Variants in LRCH1 observed in about 807,000 individuals in gnomAD.
LRCH1 encodes leucine rich repeats and calponin homology domain containing 1.
LRCH1 carries 23 observed loss-of-function variants against 94.9 expected under a neutral mutation model. The ratio of observed to expected loss-of-function variants is 0.24; its 90% CI spans 0.17 to 0.34. LRCH1 has a LOEUF of 0.34. Among genes scored for constraint, LRCH1 ranks in the 10% least tolerant of loss-of-function variants. LRCH1 has a pLI of 1.00. For missense variants in LRCH1, 790 were observed against 945.9 expected (o/e 0.84, Z 2.16); for synonymous variants, 364 against 354.9 (o/e 1.03, Z -0.29).
At chr13:46,560,063 A>G (rs1247115187) in intron 1 of LRCH1, among the ~76,000 whole-genome samples, 5 of 148,260 alleles carry the variant, frequency 3.4e-5, no homozygotes, top group Admixed American at 6.9e-5. Context: ...GACTTTTTCT[A>G]TTATATCATT....
At chr13:46,723,414 C>CA (rs1872678064) in intron 17 of LRCH1, 84 bp downstream of exon 17, 1 of 1,046,886 alleles carries the variant, frequency 9.6e-7, no homozygotes, top group Non-Finnish European at 1.4e-6. Flanking sequence ...ACATTGCAAG[C>CA]AGTCCTAATT....
chr13:46,692,695 G>T, intron 8 of LRCH1, 54 bp downstream of exon 8: 1 of 1,351,456 alleles, frequency 7.4e-7, no homozygotes, highest in Admixed American at 1.7e-5. Flanking sequence ...CAAATGTTAT[G>T]TTTAAAATAA....
At chr13:46,715,430 C>A (rs1872271203) in intron 15 of LRCH1, 130 bp from the exon 16 acceptor site, 4 of 627,208 alleles carry the variant, frequency 6.4e-6, no homozygotes, top group Admixed American at 2.5e-5. Flanking sequence ...TGAAATTAAA[C>A]CCCATATAAA....
intron 1 of LRCH1, among the ~76,000 whole-genome samples, chr13:46,615,528 C>T (rs2050797708): frequency 6.6e-6 from 1 of 152,154 alleles, no homozygotes; most frequent in Admixed American, 6.5e-5. Flanking sequence ...ACCTCCAAAC[C>T]TCATCACATG....
At chr13:46,582,378 T>TC (rs887000568) in intron 1 of LRCH1, among the ~76,000 whole-genome samples, 2 of 143,740 alleles carry the variant, frequency 1.4e-5, no homozygotes, top group African/African-American at 5.1e-5. Flanking sequence ...ATCTTTTTTT[T>TC]TTTTTTTTTT....
intron 1 of LRCH1, among the ~76,000 whole-genome samples, chr13:46,572,752 C>T (rs750792815): frequency 8.6e-5 from 13 of 151,878 alleles, no homozygotes; most frequent in Admixed American, 5.9e-4. Context: ...AGCCACATTT[C>T]GTAAACTTAA....
At chr13:46,671,450 T>C (rs777009432) in intron 3 of LRCH1, among the ~76,000 whole-genome samples, 44 of 152,200 alleles carry the variant, frequency 2.9e-4, no homozygotes, top group Non-Finnish European at 5.4e-4. Context: ...TACTGTTGAA[T>C]GGTGGAAGGT....
chr13:46,657,543 G>T (rs2051390531), intron 2 of LRCH1, among the ~76,000 whole-genome samples: 1 of 21,644 alleles, frequency 4.6e-5, no homozygotes, highest in Non-Finnish European at 9.8e-5. Context: ...TTTTTTTTTT[G>T]AGGCAGGGTC....
Position 46,553,242 on chromosome 13 carries a change from CATT to C in LRCH1, c.-154_-152del. 7.0e-6 allele frequency: 4 copies of C among 568,630 alleles called. No homozygotes were observed. The highest frequency in any genetic ancestry group is 1.2e-5 in the Non-Finnish European group (4 of 324,430). 35.2% of individuals were successfully genotyped at this position (568,630 alleles called of 1,614,324 possible). A position where few individuals can be genotyped will look rare whatever the true frequency, so the allele number is the denominator to read the frequency against. On this transcript the variant is annotated 5_prime_UTR_variant, in exon 1 of 20. Coordinates refer to ENST00000389797, the MANE Select transcript of LRCH1 (RefSeq NM_001164211.2). The stretch of plus-strand genomic sequence containing the variant: ...CACGGCCGCCTCCCCGCCCGCCCCC[CATT>C]CTACGCGCCTGCCCACACCCTCCTC...
In LRCH1 at chr13:46,742,205, CAAGGA is replaced by C; in HGVS notation, c.*358_*362del. The C allele has an allele frequency of 7.1e-6, 8 of 1,127,104 alleles. No homozygotes were observed. Among genetic ancestry groups the C allele is most frequent in the Non-Finnish European group, 8.7e-6 (8 of 916,802 alleles). 69.8% of individuals were successfully genotyped at this position (1,127,104 alleles called of 1,614,324 possible). A position where few individuals can be genotyped will look rare whatever the true frequency, so the allele number is the denominator to read the frequency against. ...GAGGAGAATTCCAGGACAAGAGTGT[CAAGGA>C]CAGGGATTTAGCATATGGAAGTCTT... On this transcript the variant is annotated 3_prime_UTR_variant, in exon 20 of 20. Coordinates refer to ENST00000389797, the MANE Select transcript of LRCH1 (RefSeq NM_001164211.2).
chr13:46,624,220 G>T (rs1394688549), intron 1 of LRCH1, among the ~76,000 whole-genome samples: 2 of 152,124 alleles, frequency 1.3e-5, no homozygotes, highest in Non-Finnish European at 2.9e-5. Flanking sequence ...CTGCAAGATT[G>T]AATTTATATT....
chr13:46,662,700 G>A (rs1482541146), intron 2 of LRCH1, among the ~76,000 whole-genome samples: 2 of 152,120 alleles, frequency 1.3e-5, no homozygotes, highest in Admixed American at 6.5e-5. Flanking sequence ...TGACCGTTGG[G>A]GGGAATATAT....
intron 16 of LRCH1, among the ~76,000 whole-genome samples, chr13:46,721,169 A>G (rs1029611334): frequency 6.6e-6 from 1 of 152,212 alleles, no homozygotes; most frequent in African/African-American, 2.4e-5. Context: ...GTGTTGAACA[A>G]AAGCTCATGG....
At chr13:46,746,367 T>C (rs1873909322), downstream of LRCH1, among the ~76,000 whole-genome samples, 1 of 152,184 alleles carries the variant, frequency 6.6e-6, no homozygotes. Flanking sequence ...TCTTTTCCAA[T>C]GTCGTTTGCT....
At chr13:46,638,550 G>C (rs1180507424) in intron 1 of LRCH1, among the ~76,000 whole-genome samples, 1 of 152,192 alleles carries the variant, frequency 6.6e-6, no homozygotes, top group East Asian at 1.9e-4. Flanking sequence ...GAAAACCTGA[G>C]TAGTGGTTAT....
At chr13:46,626,364 C>T (rs542222896) in intron 1 of LRCH1, among the ~76,000 whole-genome samples, 1 of 152,092 alleles carries the variant, frequency 6.6e-6, no homozygotes, top group South Asian at 2.1e-4. Flanking sequence ...ACTGAAGATC[C>T]ACAAGAGAAG....
Position 46,711,671 on chromosome 13 carries a change from A to G in LRCH1, c.1528-120A>G, listed in dbSNP as rs1422214501. 4.1e-5 allele frequency: 26 copies of G among 637,518 alleles called. No individual in the cohort carries two copies. The East Asian group carries it at 7.1e-4, about 17-fold the overall frequency. The allele number at this position is 637,518 out of a possible 1,614,324, so 39.5% of individuals were successfully genotyped here. ...CTGAACACACTAACTAATTAATTCA[A>G]CAGATATTCATTGTGCACCTATGGA... On this transcript the variant is annotated intron_variant, in intron 13 of 19. Transcript: ENST00000389797.
chr13:46,669,190 T>G (rs1199119087), intron 3 of LRCH1, 34 bp downstream of exon 3: 1 of 1,609,674 alleles, frequency 6.2e-7, no homozygotes, highest in South Asian at 1.1e-5. Flanking sequence ...CTCTTTTTTG[T>G]TGGTTGACTG....
At chr13:46,682,775 A>G (rs1435913144) in intron 4 of LRCH1, among the ~76,000 whole-genome samples, 1 of 152,224 alleles carries the variant, frequency 6.6e-6, no homozygotes, top group Non-Finnish European at 1.5e-5. Flanking sequence ...TCCAGCATGA[A>G]TGCCAAGACC....
Sources: allele counts gnomAD v4.1 joint callset (sites outside exome capture counted in the v4.1 genomes callset), GRCh38; gene constraint gnomAD v4.1.1; transcripts MANE v1.5; gene names NCBI Gene and HGNC (gene_info 2026-07-23, HGNC 2026-07-21).